TLE2: variants seen among roughly 807,000 people sequenced by gnomAD.
TLE2 encodes the protein TLE family member 2, transcriptional corepressor.
Under a neutral mutation model 97.2 loss-of-function variants are expected in TLE2, and 74 were observed. That is an observed-to-expected ratio of 0.76 (90% CI 0.63 to 0.92). The LOEUF (loss-of-function observed/expected upper bound fraction) is 0.92. TLE2 is among the 40% of genes least tolerant of loss of function. TLE2 has a pLI of 0.00. For synonymous variants in TLE2, 499 were observed against 432.1 expected, an observed-to-expected ratio of 1.15 and a Z score of -1.92; for missense variants, 1,038 against 1,008.7, an observed-to-expected ratio of 1.03 and a Z score of -0.39.
intron 12 of TLE2, among the ~76,000 whole-genome samples, chr19:3,010,631 A>C (rs1022705439): frequency 6.6e-6 from 1 of 152,162 alleles, no homozygotes; most frequent in Non-Finnish European, 1.5e-5. Flanking sequence ...AAGGCAGAAA[A>C]GATGAGCACT....
intron 15 of TLE2, 129 bp downstream of exon 15, chr19:3,006,291 C>T (rs2089475491): frequency 2.1e-6 from 3 of 1,405,168 alleles, no homozygotes; most frequent in Non-Finnish European, 2.9e-6. Flanking sequence ...ACGAGCTCCG[C>T]CCCTCACCTA....
At chr19:3,036,085 C>G (rs1355939092) in intron 1 of TLE2, among the ~76,000 whole-genome samples, 1 of 152,108 alleles carries the variant, frequency 6.6e-6, no homozygotes, top group African/African-American at 2.4e-5. Context: ...GGACGCCCGG[C>G]GAAGAGCTGA....
At chr19:3,013,578 T>A (rs1294528214) in intron 11 of TLE2, 91 bp downstream of exon 11, 4 of 1,207,928 alleles carry the variant, frequency 3.3e-6, no homozygotes, top group Non-Finnish European at 4.2e-6. Flanking sequence ...GGCTGATTTC[T>A]CATCACTGCC....
In TLE2 at chr19:3,002,483, G is replaced by T. The variant is rs1208165036; in HGVS notation, c.1917C>A (p.Cys639Ter). The T allele has an allele frequency of 1.9e-6, 3 of 1,587,276 alleles. No homozygotes were observed. Among genetic ancestry groups the T allele is most frequent in the African/African-American group, 1.3e-5 (1 of 74,360 alleles). The change falls in exon 18 of 20, where the codon TGC becomes TGA. Residue 639 changes from cysteine (C) to a stop codon, truncating the protein, a stop_gained. Transcript: ENST00000262953. LOFTEE classifies it high-confidence loss of function. Reference protein sequence around the residue: ...FSSQIFSLGHCPNQDWLAVGM... With the variant: ...FSSQIFSLGH ...CGACCGCCAGCCAGTCCTGGTTAGG[G>T]CAGTGGCCCAGGGAGAAAATCTGGG... is the stretch of plus-strand genomic sequence containing the variant.
rs1037302168 is a variant in TLE2 at position 3,003,469 on chromosome 19, C to T, written c.1897-966G>A. On this transcript the variant is annotated intron_variant, in intron 17 of 19. Transcript: ENST00000262953. ...CCTGGCCAACATGGCGAAAACCCAT[C>T]TCTACTAAAAATGCAAAAATTAGCT... 3.9e-5 allele frequency among the ~76,000 whole-genome samples: 6 copies of T among 152,058 alleles called. No homozygotes were observed. The East Asian group carries it at 9.7e-4, about 25-fold the overall frequency.
chr19:3,025,267 C>T (rs904281590), intron 4 of TLE2, 185 bp from the exon 5 acceptor site: 7 of 1,114,476 alleles, frequency 6.3e-6, no homozygotes, highest in African/African-American at 3.2e-5. Flanking sequence ...CACCAGGCTG[C>T]GTGCTCAGCT....
chr19:3,024,982 T>TCCCTTCCCCTCCTCCC, intron 5 of TLE2, 38 bp downstream of exon 5: 1 of 1,533,962 alleles, frequency 6.5e-7, no homozygotes, highest in South Asian at 1.2e-5. Flanking sequence ...TTCTTCCGGC[T>TCCCTTCCCCTCCTCCC]CCCTTCCCCT....
intron 11 of TLE2, among the ~76,000 whole-genome samples, chr19:3,012,438 A>T (rs1331671949): frequency 6.6e-6 from 1 of 152,146 alleles, no homozygotes. Flanking sequence ...GCTGGTCTCC[A>T]ACTCCTGTTC....
chr19:3,015,969 C>T, intron 8 of TLE2: 3 of 650,044 alleles, frequency 4.6e-6, no homozygotes, highest in South Asian at 4.5e-5. Flanking sequence ...CGGAGTCTTG[C>T]TCTGCTGCCC....
intron 12 of TLE2, among the ~76,000 whole-genome samples, chr19:3,010,044 A>C (rs1048306960): frequency 3.3e-5 from 5 of 151,172 alleles, no homozygotes; most frequent in Non-Finnish European, 7.4e-5. Context: ...TCCTTCTTTT[A>C]ATTGGCAAAC....
At chr19:3,031,298 C>A (rs1337897090), upstream of TLE2, among the ~76,000 whole-genome samples, 1 of 151,378 alleles carries the variant, frequency 6.6e-6, no homozygotes, top group Non-Finnish European at 1.5e-5. Context: ...TTGGGCAGCT[C>A]TGGGAAGGGA....
chr19:3,028,292 T>C, intron 3 of TLE2, 27 bp downstream of exon 3: 1 of 1,596,784 alleles, frequency 6.3e-7, no homozygotes, highest in Non-Finnish European at 8.5e-7. Context: ...GCCTCTCCCC[T>C]CACCCTGGCA....
Position 2,997,945 on chromosome 19 carries a change from G to T in TLE2, c.2135C>A (p.Ser712Ter), listed in dbSNP as rs371891336. 4.3e-6 allele frequency: 7 copies of T among 1,610,814 alleles called. No homozygotes were observed. Among genetic ancestry groups the T allele is most frequent in the South Asian group, 1.1e-5 (1 of 90,420 alleles). The change falls in exon 20 of 20, where the codon TCG becomes TAG. Residue 712 changes from serine to a stop codon, truncating the protein, a stop_gained. Coordinates refer to ENST00000262953, the MANE Select transcript of TLE2 (RefSeq NM_003260.5). LOFTEE classifies it high-confidence loss of function. ...YGASIFQSKE[S>*]SSVLSCDISR... Reference sequence around the variant, plus strand: ...GATGTCACAACTCAGGACTGAGGACGACTCCTTGGACTGCCAAGGGAAGGG... The same window carrying T: ...GATGTCACAACTCAGGACTGAGGACTACTCCTTGGACTGCCAAGGGAAGGG...
intron 1 of TLE2, among the ~76,000 whole-genome samples, chr19:3,036,524 C>T (rs1242053044): frequency 6.6e-6 from 1 of 152,240 alleles, no homozygotes; most frequent in Non-Finnish European, 1.5e-5. Context: ...GCCGAACTGC[C>T]GGGCCACCAG....
intron 2 of TLE2, 92 bp from the exon 3 acceptor site, chr19:3,028,474 T>C (rs2089983580): frequency 7.6e-7 from 1 of 1,318,834 alleles, no homozygotes; most frequent in East Asian, 2.5e-5. Flanking sequence ...CCCGACTTCC[T>C]TACAGACCTC....
upstream of TLE2, among the ~76,000 whole-genome samples, chr19:3,033,382 T>C (rs1036632243): frequency 2.6e-5 from 4 of 152,078 alleles, no homozygotes; most frequent in African/African-American, 9.7e-5. Flanking sequence ...TTAGTCAGGA[T>C]GGTCTCAATC....
intron 1 of TLE2, among the ~76,000 whole-genome samples, chr19:3,035,522 T>G: frequency 6.7e-6 from 1 of 150,334 alleles, no homozygotes; most frequent in African/African-American, 2.5e-5. Flanking sequence ...ACGTTGTGGA[T>G]GTGGGTTTAC....
intron 5 of TLE2, among the ~76,000 whole-genome samples, chr19:3,023,715 A>G (rs2089890505): frequency 6.6e-6 from 1 of 151,940 alleles, no homozygotes; most frequent in Non-Finnish European, 1.5e-5. Context: ...CAACATAGGG[A>G]GACCCGTCTC....
At chr19:3,047,583 C>T (rs1263888775), upstream of TLE2, 1 of 151,536 alleles carries the variant, frequency 6.6e-6, no homozygotes, top group Non-Finnish European at 1.5e-5. Context: ...ATTATTATTA[C>T]TAGCTGACAC....
Sources: allele counts gnomAD v4.1 joint callset (sites outside exome capture counted in the v4.1 genomes callset), GRCh38; gene constraint gnomAD v4.1.1; transcripts MANE v1.5; gene names NCBI Gene and HGNC (gene_info 2026-07-23, HGNC 2026-07-21).